CTNND2: variants seen among roughly 807,000 people sequenced by gnomAD.
CTNND2 encodes catenin delta-2.
CTNND2 carries 22 observed loss-of-function variants against 144.4 expected under a neutral mutation model. The ratio of observed to expected loss-of-function variants is 0.15; its 90% confidence interval spans 0.11 to 0.22. The LOEUF (loss-of-function observed/expected upper bound fraction) is 0.22, where lower values mean the gene tolerates loss of function less well. Ranked by LOEUF, CTNND2 falls within the 10% of genes least tolerant of loss-of-function variation. The probability of loss-of-function intolerance (pLI) is 1.00; values close to 1 mark genes in which losing one functional copy is unlikely to be tolerated. For synonymous variants in CTNND2, 751 were observed against 695.6 expected, an observed-to-expected ratio of 1.08 and a Z score of -1.25; for missense variants, 1,353 against 1,618.8, an observed-to-expected ratio of 0.84 and a Z score of 2.82.
chr5:11,856,708 C>T (rs1376961321), intron 1 of CTNND2, among the ~76,000 whole-genome samples: 1 of 152,150 alleles, frequency 6.6e-6, no homozygotes, highest in Non-Finnish European at 1.5e-5. Context: ...ATACATCTCC[C>T]TTCGACATAT....
At chr5:11,161,175 A>C (rs763048045) in intron 11 of CTNND2, among the ~76,000 whole-genome samples, 3 of 152,126 alleles carry the variant, frequency 2.0e-5, no homozygotes, top group Non-Finnish European at 2.9e-5. Flanking sequence ...TTCATTTCTA[A>C]ATTTTTTACA....
At chr5:11,343,218 GA>G (rs982489645) in intron 9 of CTNND2, among the ~76,000 whole-genome samples, 2 of 152,202 alleles carry the variant, frequency 1.3e-5, no homozygotes, top group African/African-American at 4.8e-5. Flanking sequence ...TAGAGTCACA[GA>G]AAGTCAATAT....
At chr5:11,330,483 C>CAAAAAAAAA (rs10627159) in intron 9 of CTNND2, among the ~76,000 whole-genome samples, 2 of 43,436 alleles carry the variant, frequency 4.6e-5, no homozygotes, top group African/African-American at 8.9e-5. Context: ...GACTCCGTCT[C>CAAAAAAAAA]AAAAAAAAAA....
intron 9 of CTNND2, among the ~76,000 whole-genome samples, chr5:11,288,931 A>G (rs182278743): frequency 1.3e-5 from 2 of 152,260 alleles, no homozygotes; most frequent in African/African-American, 4.8e-5. Flanking sequence ...GGATGTTGTA[A>G]CTTCAAATGC....
chr5:11,078,893 G>A (rs1221629792), intron 16 of CTNND2, among the ~76,000 whole-genome samples: 1 of 152,184 alleles, frequency 6.6e-6, no homozygotes, highest in East Asian at 1.9e-4. Flanking sequence ...CAAACTAAGT[G>A]TAAATAGCAA....
intron 1 of CTNND2, among the ~76,000 whole-genome samples, chr5:11,745,239 T>C (rs1283255840): frequency 1.3e-5 from 2 of 152,192 alleles, no homozygotes; most frequent in South Asian, 2.1e-4. Context: ...TTGTTGGCAA[T>C]GTTGTCACCC....
At position 11,384,653 on chromosome 5, in the gene CTNND2, G is replaced by T; in HGVS notation, c.1177+12C>A. ...CCCAGGTGAGTCGCGCCAGGTGGCA[G>T]CGAGCCTTTACCTGCCAGGCTGCCC... is the stretch of plus-strand genomic sequence containing the variant. On this transcript the variant is annotated intron_variant, in intron 7 of 21. Coordinates refer to ENST00000304623, the MANE Select transcript of CTNND2 (RefSeq NM_001332.4). The surrounding 1 kb of genome is among the most constrained non-coding windows in gnomAD (Gnocchi z 5.2). The T allele has an allele frequency of 6.3e-7, 1 of 1,591,886 alleles. No homozygotes were observed. The highest frequency in any genetic ancestry group is 1.3e-5 in the African/African-American group (1 of 74,642).
In CTNND2 at chr5:11,895,675, G is replaced by A. The variant is rs1044793086; in HGVS notation, c.37+8142C>T. Among the ~76,000 whole-genome samples, 172 of 152,112 alleles carry A rather than the reference G, an allele frequency of 1.1e-3. 3 individuals are homozygous for A. The highest frequency in any genetic ancestry group is 2.0e-3 in the Non-Finnish European group (137 of 67,984). On this transcript the variant is annotated intron_variant, in intron 1 of 21. Transcript: ENST00000304623. ...GCTTTAGAATTATGCTCCCAAAATAGGAACCAATAAAATGATATATAAACT... is the reference window on the plus strand; with the variant it reads ...GCTTTAGAATTATGCTCCCAAAATAAGAACCAATAAAATGATATATAAACT...
chr5:11,701,660 CATAAGT>C (rs1414739901), intron 2 of CTNND2, among the ~76,000 whole-genome samples: 2 of 151,744 alleles, frequency 1.3e-5, no homozygotes, highest in African/African-American at 4.8e-5. Flanking sequence ...CTTATACATA[CATAAGT>C]ATAAGAAAGA....
intron 15 of CTNND2, among the ~76,000 whole-genome samples, chr5:11,085,139 A>T (rs1749997344): frequency 6.6e-6 from 1 of 152,208 alleles, no homozygotes; most frequent in African/African-American, 2.4e-5. Flanking sequence ...AATAATGGGA[A>T]TCCTTCAGCT....
intron 3 of CTNND2, among the ~76,000 whole-genome samples, chr5:11,427,112 T>C (rs893538143): frequency 2.6e-5 from 4 of 152,214 alleles, no homozygotes; most frequent in Admixed American, 2.0e-4. Context: ...AGATAAATAG[T>C]AAAATCTGTG....
At chr5:11,297,412 G>A (rs1749136000) in intron 9 of CTNND2, among the ~76,000 whole-genome samples, 2 of 152,124 alleles carry the variant, frequency 1.3e-5, no homozygotes, top group South Asian at 2.1e-4. Flanking sequence ...AGAATACAGA[G>A]ACAGATATGA....
intron 3 of CTNND2, 146 bp from the exon 4 acceptor site, chr5:11,412,215 C>A (rs1761601855): frequency 3.2e-6 from 2 of 628,162 alleles, no homozygotes; most frequent in Non-Finnish European, 2.9e-6. Flanking sequence ...AGGGATTCCA[C>A]TTTGATATAA....
At chr5:11,000,345 A>G (rs192721098) in intron 18 of CTNND2, among the ~76,000 whole-genome samples, 5 of 152,124 alleles carry the variant, frequency 3.3e-5, no homozygotes, top group Admixed American at 1.3e-4. Context: ...ACAGGGTGAA[A>G]CCCCGTCTCT....
chr5:11,544,196 A>G (rs1272019245), intron 3 of CTNND2, among the ~76,000 whole-genome samples: 1 of 150,440 alleles, frequency 6.6e-6, no homozygotes, highest in Non-Finnish European at 1.5e-5. Flanking sequence ...TTTTTTTGAG[A>G]CGGAGTCTCC....
intron 10 of CTNND2, among the ~76,000 whole-genome samples, chr5:11,218,280 G>A (rs1298264715): frequency 6.6e-6 from 1 of 152,078 alleles, no homozygotes; most frequent in Non-Finnish European, 1.5e-5. Flanking sequence ...TCCCCGTTGA[G>A]TCATCCTCAT....
At chr5:11,082,638 C>A in intron 16 of CTNND2, 58 bp downstream of exon 16, 1 of 1,588,414 alleles carries the variant, frequency 6.3e-7, no homozygotes, top group Admixed American at 1.7e-5. Context: ...CCACACCTAC[C>A]CCTAGAGAAA....
chr5:11,726,386 T>C (rs1186295755), intron 2 of CTNND2, among the ~76,000 whole-genome samples: 2 of 152,160 alleles, frequency 1.3e-5, no homozygotes, highest in African/African-American at 4.8e-5. Flanking sequence ...AATGAAAATT[T>C]TGTACAGATA....
chr5:11,401,084 G>A (rs1279595679), intron 5 of CTNND2, among the ~76,000 whole-genome samples: 7 of 152,152 alleles, frequency 4.6e-5, no homozygotes, highest in African/African-American at 1.4e-4. Flanking sequence ...GAGGAAACTC[G>A]CTGTCCACTA....
Sources: allele counts gnomAD v4.1 joint callset (sites outside exome capture counted in the v4.1 genomes callset), GRCh38; gene constraint gnomAD v4.1.1; non-coding constraint Gnocchi (gnomAD v3.1); transcripts MANE v1.5; gene names NCBI Gene and HGNC (gene_info 2026-07-23, HGNC 2026-07-21).